Variants in NUFIP2 observed in about 807,000 individuals in gnomAD.
The protein encoded by NUFIP2 is FMR1-interacting protein NUFIP2.
A neutral mutation model predicts 56.9 loss-of-function variants in NUFIP2; 6 were observed. The observed-to-expected ratio is 0.11, with a 90% CI of 0.06 to 0.21. The LOEUF (loss-of-function observed/expected upper bound fraction) is 0.21. Ranked by LOEUF, NUFIP2 falls within the 10% of genes least tolerant of loss-of-function variation. The pLI is 1.00. For missense variants in NUFIP2, 828 were observed against 826.8 expected, an observed-to-expected ratio of 1.00 and a Z score of -0.02; for synonymous variants, 321 against 298.2, an observed-to-expected ratio of 1.08 and a Z score of -0.79.
chr17:29,267,426 G>T, intron 3 of NUFIP2, 72 bp downstream of exon 3: 1 of 832,554 alleles, frequency 1.2e-6, no homozygotes, highest in Non-Finnish European at 1.9e-6. Flanking sequence ...CCACCCATCT[G>T]TTAATCCCAC....
chr17:29,293,039 C>A (rs1354012015), intron 1 of NUFIP2, among the ~76,000 whole-genome samples: 1 of 151,550 alleles, frequency 6.6e-6, no homozygotes, highest in African/African-American at 2.4e-5. Context: ...GAGTCGGTGA[C>A]AGGAATCGGC....
intron 1 of NUFIP2, among the ~76,000 whole-genome samples, chr17:29,290,862 G>A (rs1481280817): frequency 6.6e-6 from 1 of 151,712 alleles, no homozygotes; most frequent in East Asian, 1.9e-4. Flanking sequence ...TTCAATTAAA[G>A]ATGAGCAATC....
intron 2 of NUFIP2, among the ~76,000 whole-genome samples, chr17:29,275,137 GC>G (rs942953596): frequency 1.9e-4 from 29 of 151,400 alleles, no homozygotes; most frequent in East Asian, 1.5e-3. Context: ...TCCTGCCTCA[GC>G]CCCCCCCAAG....
chr17:29,292,798 C>T (rs1217113065), intron 1 of NUFIP2, among the ~76,000 whole-genome samples: 1 of 149,338 alleles, frequency 6.7e-6, no homozygotes, highest in South Asian at 2.1e-4. Flanking sequence ...TTCCCTCCCC[C>T]ACCCCAACCG....
rs541456997 is a variant in NUFIP2, at chr17:29,293,545, G to A, written c.277+238C>T. Reference sequence around the variant, plus strand: ...AGCAGGTCTCCCTTCAGCCGGGGCCGGGGCCAGGAAGGTCACGCTGGCCTG... The same window carrying A: ...AGCAGGTCTCCCTTCAGCCGGGGCCAGGGCCAGGAAGGTCACGCTGGCCTG... On this transcript the variant is annotated intron_variant, in intron 1 of 3. Coordinates refer to ENST00000225388, the MANE Select transcript of NUFIP2 (RefSeq NM_020772.3). Among the ~76,000 whole-genome samples, 3 of 152,240 alleles carry A rather than the reference G, an allele frequency of 2.0e-5. No individual in the cohort carries two copies. In the East Asian group the frequency reaches 5.8e-4, roughly 30 times the overall value.
chr17:29,282,902 A>T (rs554800400), intron 2 of NUFIP2, among the ~76,000 whole-genome samples: 2 of 152,328 alleles, frequency 1.3e-5, no homozygotes, highest in South Asian at 4.1e-4. Flanking sequence ...AGATCTCCAA[A>T]TATAATTCAA....
rs558107423 is a variant in NUFIP2, at chr17:29,267,173, G to A, written c.2035+325C>T. On this transcript the variant is annotated intron_variant, in intron 3 of 3. Coordinates refer to ENST00000225388, the MANE Select transcript of NUFIP2 (RefSeq NM_020772.3). ...CCCGCCTCAGCCTCCCAAAGTGCTA[G>A]GATTACAGGCGTGAGCCACCGTGCC... 2.2e-3 allele frequency among the ~76,000 whole-genome samples: 336 copies of A among 151,486 alleles called. 1 individual carries two copies. The highest frequency in any genetic ancestry group is 6.1e-3 in the South Asian group (29 of 4,778).
In NUFIP2 at chr17:29,286,134, C is replaced by T; in HGVS notation, c.1860G>A (p.Glu620=). Residue 620 remains glutamate (E), a synonymous_variant, in exon 2 of 4, where the codon GAG becomes GAA. Coordinates refer to ENST00000225388, the MANE Select transcript of NUFIP2 (RefSeq NM_020772.3). ...GALVFLSKDY[E]IESQNPLASP... is the part of the protein sequence containing the mutation. ...AGGCCAGAGGATTTTGACTTTCTAT[C>T]TCGTAGTCCTTTGAGAGAAACACTA... 4.3e-6 allele frequency: 7 copies of T among 1,614,166 alleles called. No homozygotes were observed. Among genetic ancestry groups the T allele is most frequent in the Non-Finnish European group, 5.9e-6 (7 of 1,180,034 alleles).
intron 2 of NUFIP2, among the ~76,000 whole-genome samples, chr17:29,277,874 G>A (rs761778673): frequency 3.3e-5 from 5 of 152,054 alleles, no homozygotes; most frequent in East Asian, 1.9e-4. Context: ...TTAGCCAAGC[G>A]TGGTGATGCA....
In NUFIP2 at chr17:29,294,091, G is replaced by A. The variant is rs2069237594; in HGVS notation, c.-32C>T. The A allele has an allele frequency of 1.0e-5, 16 of 1,568,118 alleles. No homozygotes were observed. Among genetic ancestry groups the A allele is most frequent in the African/African-American group, 1.3e-5 (1 of 74,362 alleles). ...CGGCTGGGACTCCCTGGCTGAGGCTGCGGGCTGCTGCACCGTCAGGATCTG... is the reference window on the plus strand; with the variant it reads ...CGGCTGGGACTCCCTGGCTGAGGCTACGGGCTGCTGCACCGTCAGGATCTG... On this transcript the variant is annotated 5_prime_UTR_variant, in exon 1 of 4. Coordinates refer to ENST00000225388, the MANE Select transcript of NUFIP2 (RefSeq NM_020772.3).
Position 29,263,872 on chromosome 17 carries a change from C to T in NUFIP2, c.*667G>A, listed in dbSNP as rs1393026523. ...GAACTTCAATGCCCTCCCCTATCCC[C>T]GCCCCACAAAAAATAAATGGAAAGA... On this transcript the variant is annotated 3_prime_UTR_variant, in exon 4 of 4. Coordinates refer to ENST00000225388, the MANE Select transcript of NUFIP2 (RefSeq NM_020772.3). 2 of 152,518 alleles carry T rather than the reference C, an allele frequency of 1.3e-5. No individual in the cohort carries two copies. Among genetic ancestry groups the T allele is most frequent in the African/African-American group, 4.8e-5 (2 of 41,380 alleles). 9.4% of individuals were successfully genotyped at this position (152,518 alleles called of 1,614,324 possible). A position where few individuals can be genotyped will look rare whatever the true frequency, so the allele number is the denominator to read the frequency against.
chr17:29,293,418 G>T (rs972573609), intron 1 of NUFIP2, among the ~76,000 whole-genome samples: 1 of 152,080 alleles, frequency 6.6e-6, no homozygotes, highest in Non-Finnish European at 1.5e-5. Context: ...TTTTGGGGGG[G>T]TAGGTTTACC....
At chr17:29,289,650 C>A (rs1217340076) in intron 1 of NUFIP2, among the ~76,000 whole-genome samples, 2 of 152,186 alleles carry the variant, frequency 1.3e-5, no homozygotes, top group East Asian at 3.9e-4. Context: ...ACATTTAAGG[C>A]AGCAGGAAGT....
At chr17:29,270,249 C>T (rs1199232918) in intron 2 of NUFIP2, among the ~76,000 whole-genome samples, 6 of 148,906 alleles carry the variant, frequency 4.0e-5, no homozygotes, top group Non-Finnish European at 8.9e-5. Flanking sequence ...AGACACCTAT[C>T]CAAAGAAAGG....
rs2069007496 is a variant in NUFIP2, at chr17:29,262,203, C to A, written c.*2336G>T. ...TCTTGTGAGTTGTGAGACGGAAGAA[C>A]TTTAAAATTCCAGGCAAGCAAAATG... On this transcript the variant is annotated 3_prime_UTR_variant, in exon 4 of 4. Coordinates refer to ENST00000225388, the MANE Select transcript of NUFIP2 (RefSeq NM_020772.3). 1 of 152,398 alleles carries A rather than the reference C, an allele frequency of 6.6e-6. No homozygotes were observed. Among genetic ancestry groups the A allele is most frequent in the African/African-American group, 2.4e-5 (1 of 41,394 alleles). The allele number at this position is 152,398 out of a possible 1,614,324, so 9.4% of individuals were successfully genotyped here.
chr17:29,291,035 C>CAAAA (rs60000691), intron 1 of NUFIP2, among the ~76,000 whole-genome samples: 15 of 72,426 alleles, frequency 2.1e-4, no homozygotes, highest in Non-Finnish European at 2.4e-4. Context: ...GTTTTAATAA[C>CAAAA]AAAAAAAAAA....
chr17:29,257,891 C>G lies in NUFIP2; in HGVS notation c.*6648G>C, dbSNP rs1224011122. ...TAACAGACTAAGAACAAAAAAGATA[C>G]AACAAAAAAAGTAAATCACTTCCCC... On this transcript the variant is annotated 3_prime_UTR_variant, in exon 4 of 4. Transcript: ENST00000225388. 6.6e-6 allele frequency: 1 copy of G among 152,000 alleles called. No homozygotes were observed. The highest frequency in any genetic ancestry group is 2.4e-5 in the African/African-American group (1 of 41,396). The allele number at this position is 152,000 out of a possible 1,614,324, so 9.4% of individuals were successfully genotyped here. A position where few individuals can be genotyped will look rare whatever the true frequency, so the allele number is the denominator to read the frequency against.
Position 29,259,602 on chromosome 17 carries a change from G to A in NUFIP2, c.*4937C>T, listed in dbSNP as rs77801180. Reference sequence around the variant, plus strand: ...AAAAAAAAAAGGTGGGGGGGGGGGGGATACTGCAGTATTATAAAATGGCTT... The same window carrying A: ...AAAAAAAAAAGGTGGGGGGGGGGGGAATACTGCAGTATTATAAAATGGCTT... On this transcript the variant is annotated 3_prime_UTR_variant, in exon 4 of 4. Coordinates refer to ENST00000225388, the MANE Select transcript of NUFIP2 (RefSeq NM_020772.3). 1.8e-5 allele frequency: 2 copies of A among 108,688 alleles called. No homozygotes were observed. Among genetic ancestry groups the A allele is most frequent in the African/African-American group, 7.0e-5 (2 of 28,774 alleles). The allele number at this position is 108,688 out of a possible 1,614,324, so 6.7% of individuals were successfully genotyped here.
chr17:29,265,892 C>G (rs1199355782), intron 3 of NUFIP2, among the ~76,000 whole-genome samples: 1 of 151,990 alleles, frequency 6.6e-6, no homozygotes, highest in African/African-American at 2.4e-5. Context: ...TGGAAATCTG[C>G]CATGAAGAAC....
Sources: allele counts gnomAD v4.1 joint callset (sites outside exome capture counted in the v4.1 genomes callset), GRCh38; gene constraint gnomAD v4.1.1; transcripts MANE v1.5; gene names NCBI Gene and HGNC (gene_info 2026-07-23, HGNC 2026-07-21).